LHCGR: variants seen among roughly 807,000 people sequenced by gnomAD.
LHCGR encodes the protein luteinizing hormone/choriogonadotropin receptor, also known as lutropin-choriogonadotropic hormone receptor.
A neutral mutation model predicts 60.7 loss-of-function variants in LHCGR; 55 were observed. That is an observed-to-expected ratio of 0.91 (90% confidence interval 0.73 to 1.13). The LOEUF (loss-of-function observed/expected upper bound fraction) is 1.13, where lower values mean the gene tolerates loss of function less well. Ranked by LOEUF, LHCGR falls within the 50% of genes most tolerant of loss-of-function variation. The probability of loss-of-function intolerance (pLI) is 0.00; values close to 1 mark genes in which losing one functional copy is unlikely to be tolerated. For synonymous variants in LHCGR, 337 were observed against 316.5 expected (o/e 1.06, Z -0.69); for missense variants, 862 against 836.0 (o/e 1.03, Z -0.38).
At chr2:48,727,778 G>A (rs2104460143) in intron 3 of LHCGR, among the ~76,000 whole-genome samples, 1 of 152,208 alleles carries the variant, frequency 6.6e-6, no homozygotes, top group East Asian at 1.9e-4. Context: ...ATCTCATGGT[G>A]GACATTTATA....
At chr2:48,696,530 C>T (rs1034627577) in intron 9 of LHCGR, among the ~76,000 whole-genome samples, 1 of 152,066 alleles carries the variant, frequency 6.6e-6, no homozygotes, top group African/African-American at 2.4e-5. Context: ...GCAGGTAAAA[C>T]ATGAATGTAT....
At chr2:48,700,364 G>A (rs538942257) in intron 8 of LHCGR, among the ~76,000 whole-genome samples, 2 of 152,302 alleles carry the variant, frequency 1.3e-5, no homozygotes, top group East Asian at 3.9e-4. Flanking sequence ...TAAGGGTGGA[G>A]TGGATGCTTT....
intron 1 of LHCGR, among the ~76,000 whole-genome samples, chr2:48,731,722 G>C (rs1401711959): frequency 6.6e-6 from 1 of 152,170 alleles, no homozygotes; most frequent in Non-Finnish European, 1.5e-5. Flanking sequence ...CAAGTATATA[G>C]TTAAATAGTT....
At chr2:48,718,767 G>A (rs915842541) in intron 6 of LHCGR, among the ~76,000 whole-genome samples, 3 of 152,122 alleles carry the variant, frequency 2.0e-5, no homozygotes, top group Non-Finnish European at 4.4e-5. Context: ...GGATGTGCCG[G>A]CAGTGGTTAG....
rs199800412 is a variant in LHCGR at position 48,725,795 on chromosome 2, G to C, written c.309-45C>G. 257 of 1,429,764 alleles carry C rather than the reference G, an allele frequency of 1.8e-4. No homozygotes were observed. The African/African-American group carries it at 3.2e-3, about 18-fold the overall frequency. 88.6% of individuals were successfully genotyped at this position (1,429,764 alleles called of 1,614,324 possible). The stretch of plus-strand genomic sequence containing the variant: ...AAAAAAGCTGCTGTTTAATAGATGT[G>C]TATTGTTTGAAATGTGTGAGATCAT... On this transcript the variant is annotated intron_variant, in intron 3 of 10. Coordinates refer to ENST00000294954, the MANE Select transcript of LHCGR (RefSeq NM_000233.4).
chr2:48,718,230 A>G (rs1015637204), intron 6 of LHCGR, among the ~76,000 whole-genome samples: 1 of 152,186 alleles, frequency 6.6e-6, no homozygotes, highest in African/African-American at 2.4e-5. Context: ...AGCTGTACCT[A>G]ACTTTAAAGC....
intron 6 of LHCGR, among the ~76,000 whole-genome samples, chr2:48,717,167 G>C (rs533974609): frequency 2.6e-4 from 40 of 152,288 alleles, no homozygotes; most frequent in African/African-American, 9.6e-4. Flanking sequence ...AGAAAAGATA[G>C]CCCTTGCTTT....
At chr2:48,752,981 C>CGGT in intron 1 of LHCGR, among the ~76,000 whole-genome samples, 1 of 7,626 alleles carries the variant, frequency 1.3e-4, no homozygotes, top group Admixed American at 1.4e-3. Flanking sequence ...CGGATTTTGG[C>CGGT]GGGGGGGGGG....
At chr2:48,747,045 C>T (rs1318993246) in intron 1 of LHCGR, among the ~76,000 whole-genome samples, 1 of 151,892 alleles carries the variant, frequency 6.6e-6, no homozygotes, top group Non-Finnish European at 1.5e-5. Flanking sequence ...AAGTTGGTTG[C>T]AACTGATATA....
chr2:48,689,114 TACATATATAC>T (rs1680068860), intron 10 of LHCGR, among the ~76,000 whole-genome samples: 3 of 151,152 alleles, frequency 2.0e-5, no homozygotes, highest in South Asian at 2.1e-4. Flanking sequence ...TACACATATA[TACATATATAC>T]ACATATATAC....
At chr2:48,699,534 T>A (rs1362694538) in intron 8 of LHCGR, among the ~76,000 whole-genome samples, 1 of 152,220 alleles carries the variant, frequency 6.6e-6, no homozygotes, top group Non-Finnish European at 1.5e-5. Flanking sequence ...ATTCAGGGCT[T>A]CAGATGCCTC....
rs1412890389 is a variant in LHCGR, at chr2:48,755,560, G to T, written c.112C>A (p.Pro38Thr). ...CCGGGGCAGCGCAGGGCGCCGTCGG[G>T]CACGCAGTTGCAGGGCTCAGGGCAG... Reference protein sequence around the residue: ...ALCPEPCNCVPDGALRCPGPT... With the variant: ...ALCPEPCNCVTDGALRCPGPT... Residue 38 changes from proline to threonine, a missense_variant, in exon 1 of 11, where the codon CCC (proline) becomes ACC (threonine). By Grantham distance (38) the Pro-to-Thr change is conservative (BLOSUM62 -1). Transcript: ENST00000294954. 1 of 1,540,526 alleles carries T rather than the reference G, an allele frequency of 6.5e-7. No individual in the cohort carries two copies. The highest frequency in any genetic ancestry group is 1.2e-5 in the South Asian group (1 of 83,794).
intron 1 of LHCGR, chr2:48,733,056 A>T (rs1669068477): frequency 2.0e-6 from 1 of 503,474 alleles, no homozygotes; most frequent in Admixed American, 2.1e-5. Context: ...ACACAGTTTT[A>T]TTGCTCTCTG....
intron 6 of LHCGR, among the ~76,000 whole-genome samples, chr2:48,716,129 A>T (rs190997148): frequency 6.6e-6 from 1 of 152,080 alleles, no homozygotes; most frequent in African/African-American, 2.4e-5. Flanking sequence ...AATCTGAAGC[A>T]TGTTTCTGAA....
At position 48,723,638 on chromosome 2, in the gene LHCGR, C is replaced by A. The variant is rs140568136; in HGVS notation, c.442G>T (p.Glu148Ter). Residue 148 changes from glutamate (E) to a stop codon, truncating the protein, a stop_gained, in exon 5 of 11, where the codon GAA (glutamate) becomes TAA (stop). Coordinates refer to ENST00000294954, the MANE Select transcript of LHCGR (RefSeq NM_000233.4). LOFTEE classifies it high-confidence loss of function. ...FPDVTKVFSS[E>*]SNFILEICDN... The stretch of plus-strand genomic sequence containing the variant: ...GGTACTTACAGAATGAAATTTGATT[C>A]AGAGGAGAAGACCTTCGTAACATCT... The A allele has an allele frequency of 6.3e-5, 101 of 1,613,604 alleles. No homozygotes were observed. Among genetic ancestry groups the A allele is most frequent in the Non-Finnish European group, 7.6e-5 (90 of 1,179,692 alleles).
rs1030499079 is a variant in LHCGR at position 48,687,385 on chromosome 2, GA to G, written c.*311del. ...AGAATGCAATACAAATTACGAAAAT[GA>G]AAAAAAAGATATGCAAAATACCTCC... On this transcript the variant is annotated 3_prime_UTR_variant, in exon 11 of 11. Coordinates refer to ENST00000294954, the MANE Select transcript of LHCGR (RefSeq NM_000233.4). 4.3e-5 allele frequency: 13 copies of G among 301,080 alleles called. No homozygotes were observed. Among genetic ancestry groups the G allele is most frequent in the Non-Finnish European group, 5.0e-5 (8 of 160,818 alleles). 18.7% of individuals were successfully genotyped at this position (301,080 alleles called of 1,614,324 possible). A position where few individuals can be genotyped will look rare whatever the true frequency, so the allele number is the denominator to read the frequency against.
intron 6 of LHCGR, chr2:48,721,599 A>C: frequency 2.3e-6 from 1 of 441,554 alleles, no homozygotes; most frequent in Non-Finnish European, 4.6e-6. Flanking sequence ...AGTACTATAC[A>C]AAGGCAGTGC....
intron 6 of LHCGR, among the ~76,000 whole-genome samples, chr2:48,719,765 C>G (rs1321676850): frequency 6.6e-6 from 1 of 152,174 alleles, no homozygotes; most frequent in South Asian, 2.1e-4. Context: ...GAGGGCAAGA[C>G]AGGTTCTACA....
intron 6 of LHCGR, 83 bp from the exon 7 acceptor site, chr2:48,714,137 T>C (rs1668125153): frequency 2.2e-6 from 2 of 915,502 alleles, no homozygotes; most frequent in Admixed American, 1.9e-5. Context: ...CTGTAACATA[T>C]ATTACTAAGG....
Sources: gnomAD v4.1 joint callset for allele counts (sites outside exome capture counted in the v4.1 genomes callset) on GRCh38, gnomAD v4.1.1 for gene constraint, MANE v1.5 for transcripts, NCBI Gene and HGNC (gene_info 2026-07-23, HGNC 2026-07-21) for gene names.